Variants in CNTNAP5 observed in about 807,000 individuals in gnomAD.
CNTNAP5 encodes contactin-associated protein-like 5.
In CNTNAP5, 72 loss-of-function variants were observed where a neutral mutation model predicts 150.2. The observed-to-expected ratio is 0.48, with a 90% CI of 0.40 to 0.58. The LOEUF (loss-of-function observed/expected upper bound fraction) is 0.58, where lower values mean the gene tolerates loss of function less well. CNTNAP5 is among the 20% of genes least tolerant of loss of function. The pLI is 0.00. For synonymous variants in CNTNAP5, 672 were observed against 619.8 expected (o/e 1.08, Z -1.25); for missense variants, 1,636 against 1,626.2 (o/e 1.01, Z -0.10).
intron 3 of CNTNAP5, among the ~76,000 whole-genome samples, chr2:124,405,765 G>A (rs1691553782): frequency 6.6e-6 from 1 of 152,160 alleles, no homozygotes; most frequent in Admixed American, 6.5e-5. Context: ...TTATATGCAT[G>A]GAATCGTGCT....
At chr2:124,789,865 A>G (rs1217378572) in intron 17 of CNTNAP5, 37 bp from the exon 18 acceptor site, 3 of 1,603,744 alleles carry the variant, frequency 1.9e-6, no homozygotes, top group East Asian at 2.2e-5. Context: ...GAGCCCTATA[A>G]TACCTTACAT....
At chr2:124,799,506 G>A (rs779540342) in intron 19 of CNTNAP5, among the ~76,000 whole-genome samples, 1 of 152,224 alleles carries the variant, frequency 6.6e-6, no homozygotes, top group Admixed American at 6.5e-5. Context: ...ATCATAAGAT[G>A]GGGCTGGGCC....
chr2:124,148,438 C>CA (rs1684309607), intron 1 of CNTNAP5, among the ~76,000 whole-genome samples: 2 of 143,398 alleles, frequency 1.4e-5, no homozygotes, highest in Middle Eastern at 3.5e-3. Context: ...TGTTTCCTGC[C>CA]GTATCGTCAT....
chr2:124,322,642 G>T (rs1483796500), intron 3 of CNTNAP5, among the ~76,000 whole-genome samples: 1 of 152,164 alleles, frequency 6.6e-6, no homozygotes, highest in African/African-American at 2.4e-5. Context: ...GAGCTGTTCT[G>T]TCCTTGTTCG....
chr2:124,440,849 T>A (rs536026097), intron 5 of CNTNAP5, among the ~76,000 whole-genome samples: 33 of 152,292 alleles, frequency 2.2e-4, no homozygotes, highest in African/African-American at 7.7e-4. Flanking sequence ...AAAATTTTTA[T>A]CTTTGTCTTA....
chr2:124,521,316 A>C (rs1694841643), intron 8 of CNTNAP5, among the ~76,000 whole-genome samples: 1 of 152,194 alleles, frequency 6.6e-6, no homozygotes, highest in Non-Finnish European at 1.5e-5. Context: ...CTTTTCACCC[A>C]GGCTCCCACT....
rs748270033 is a variant in CNTNAP5, at chr2:124,647,815, G to A, written c.1934G>A (p.Gly645Asp). The change falls in exon 13 of 24, where the codon GGC (glycine) becomes GAC (aspartate). Residue 645 changes from glycine (G) to aspartate (D), a missense_variant. Gly to Asp is a moderately conservative substitution (Grantham distance 94, BLOSUM62 -1). Transcript: ENST00000682447. The stretch of plus-strand genomic sequence containing the variant: ...AATACAGAGCTGACCCGAGTGCGGG[G>A]CGCTAACCCTGAGAAGCCCTATGCC... The part of the protein sequence containing the change: ...HNNTELTRVR[G>D]ANPEKPYAMA... The A allele has an allele frequency of 1.2e-6, 2 of 1,613,520 alleles. No homozygotes were observed. The highest frequency in any genetic ancestry group is 1.7e-5 in the Admixed American group (1 of 59,968).
At chr2:124,698,222 A>G (rs1679445797) in intron 13 of CNTNAP5, among the ~76,000 whole-genome samples, 1 of 152,078 alleles carries the variant, frequency 6.6e-6, no homozygotes, top group Non-Finnish European at 1.5e-5. Flanking sequence ...GTTAGATCTT[A>G]TGGGTGAGAG....
chr2:124,403,929 G>A lies in CNTNAP5; in HGVS notation c.382-13514G>A, dbSNP rs529894957. ...GCCCTTTCTAAAACTATCAGGTCTC[G>A]TGAGACTTATTCACTAGCACGAGAA... On this transcript the variant is annotated intron_variant, in intron 3 of 23. Coordinates refer to ENST00000682447, the MANE Select transcript of CNTNAP5 (RefSeq NM_001367498.1). Among the ~76,000 whole-genome samples the A allele has an allele frequency of 1.6e-4, 25 of 152,262 alleles. No homozygotes were observed. In the South Asian group the frequency reaches 4.1e-3, roughly 25 times the overall value.
intron 3 of CNTNAP5, among the ~76,000 whole-genome samples, chr2:124,362,164 C>T (rs946506888): frequency 2.0e-5 from 3 of 152,338 alleles, no homozygotes; most frequent in Admixed American, 2.0e-4. Context: ...CGCCCTGCTT[C>T]GGCTGGCGCA....
Position 124,639,981 on chromosome 2 carries a change from A to G in CNTNAP5, c.1877-7777A>G, listed in dbSNP as rs367746855. Among the ~76,000 whole-genome samples the G allele has an allele frequency of 1.7e-4, 26 of 152,110 alleles. No homozygotes were observed. In the East Asian group the frequency reaches 4.9e-3, roughly 28 times the overall value. Reference sequence around the variant, plus strand: ...ACTCTTCCCAACAGGAATGCAACACAAGGCAGTCTGCCTTCCTAGAACCAG... The same window carrying G: ...ACTCTTCCCAACAGGAATGCAACACGAGGCAGTCTGCCTTCCTAGAACCAG... On this transcript the variant is annotated intron_variant, in intron 12 of 23. Coordinates refer to ENST00000682447, the MANE Select transcript of CNTNAP5 (RefSeq NM_001367498.1).
Position 124,524,362 on chromosome 2 carries a change from A to G in CNTNAP5, c.1387A>G (p.Ile463Val). 1 of 1,613,876 alleles carries G rather than the reference A, an allele frequency of 6.2e-7. No individual in the cohort carries two copies. Among genetic ancestry groups the G allele is most frequent in the South Asian group, 1.1e-5 (1 of 91,078 alleles). The change falls in exon 9 of 24, where the codon ATC (isoleucine) becomes GTC (valine). Residue 463 changes from isoleucine to valine, a missense_variant. Transcript: ENST00000682447. ...TAGCATCAACGCCAGGAGGAACCGC[A>G]TCACGCTCACTCTGGATGATGAAGC... ...SVSINARRNR[I>V]TLTLDDEAAP... is the part of the protein sequence containing the mutation.
intron 4 of CNTNAP5, among the ~76,000 whole-genome samples, chr2:124,424,870 A>C (rs1313304984): frequency 2.0e-5 from 3 of 152,218 alleles, no homozygotes; most frequent in African/African-American, 7.2e-5. Flanking sequence ...AGTCTTTGGC[A>C]AGGCTTGCAA....
At chr2:124,073,024 G>A (rs66831635) in intron 1 of CNTNAP5, among the ~76,000 whole-genome samples, 42,558 of 151,890 alleles carry the variant, frequency 0.28, 6,380 homozygotes, top group Admixed American at 0.36. Context: ...TAGACCAATG[G>A]AACAGAATAG....
chr2:124,504,213 C>T, intron 7 of CNTNAP5, 79 bp from the exon 8 acceptor site: 1 of 1,397,390 alleles, frequency 7.2e-7, no homozygotes, highest in Non-Finnish European at 1.0e-6. Flanking sequence ...AAGGTCAGCT[C>T]CAGGTGGTTG....
rs1678234432 is a variant in CNTNAP5 at position 124,647,756 on chromosome 2, A to G, written c.1877-2A>G. The G allele has an allele frequency of 6.3e-7, 1 of 1,587,926 alleles. No homozygotes were observed. Among genetic ancestry groups the G allele is most frequent in the Middle Eastern group, 1.7e-4 (1 of 5,942 alleles). Reference sequence around the variant, plus strand: ...TTGCTTTGTGTTGTGTTGTCTGGGCAGAGGACAAGATCTGGACATCAGTGC... The same window carrying G: ...TTGCTTTGTGTTGTGTTGTCTGGGCGGAGGACAAGATCTGGACATCAGTGC... On this transcript the variant is annotated splice_acceptor_variant, in intron 12 of 23. Coordinates refer to ENST00000682447, the MANE Select transcript of CNTNAP5 (RefSeq NM_001367498.1). LOFTEE classifies it high-confidence loss of function.
chr2:124,404,679 A>T (rs1401480563), intron 3 of CNTNAP5, among the ~76,000 whole-genome samples: 1 of 152,182 alleles, frequency 6.6e-6, no homozygotes, highest in African/African-American at 2.4e-5. Context: ...AATCCCGAGT[A>T]AGCTCTCCCT....
chr2:124,496,888 T>C (rs980479591), intron 7 of CNTNAP5, among the ~76,000 whole-genome samples: 4 of 152,240 alleles, frequency 2.6e-5, no homozygotes, highest in African/African-American at 9.6e-5. Context: ...TGGATTCAGA[T>C]GCATTCTCCT....
rs547584099 is a variant in CNTNAP5, at chr2:124,763,814, G to T, written c.2362+15G>T. ...CTATGGTGACCGTGAGTACAAAATC[G>T]AAAGAAGCTTTCTCTCTGCATTACA... is the stretch of plus-strand genomic sequence containing the variant. On this transcript the variant is annotated intron_variant, in intron 15 of 23. Coordinates refer to ENST00000682447, the MANE Select transcript of CNTNAP5 (RefSeq NM_001367498.1). 1 of 1,612,406 alleles carries T rather than the reference G, an allele frequency of 6.2e-7. No homozygotes were observed. The highest frequency in any genetic ancestry group is 1.1e-5 in the South Asian group (1 of 90,914).
Sources: allele counts gnomAD v4.1 joint callset (sites outside exome capture counted in the v4.1 genomes callset), GRCh38; gene constraint gnomAD v4.1.1; transcripts MANE v1.5; gene names NCBI Gene and HGNC (gene_info 2026-07-23, HGNC 2026-07-21).